Variants in TMEFF2 observed in about 807,000 individuals in gnomAD.
TMEFF2 encodes tomoregulin-2.
Under a neutral mutation model 53.8 loss-of-function variants are expected in TMEFF2, and 28 were observed. The ratio of observed to expected loss-of-function variants is 0.52; its 90% CI spans 0.39 to 0.71. The LOEUF (loss-of-function observed/expected upper bound fraction) is 0.71, where lower values mean the gene tolerates loss of function less well. Among genes scored for constraint, TMEFF2 ranks in the 30% least tolerant of loss-of-function variants. TMEFF2 has a pLI of 0.00. For synonymous variants in TMEFF2, 162 were observed against 166.3 expected (o/e 0.97, Z 0.20); for missense variants, 353 against 455.2 (o/e 0.78, Z 2.04).
chr2:191,991,374 A>G (rs913357790), intron 7 of TMEFF2, among the ~76,000 whole-genome samples: 3 of 152,110 alleles, frequency 2.0e-5, no homozygotes, highest in South Asian at 4.1e-4. Flanking sequence ...TATTTCCCAT[A>G]AAAATCAATT....
At chr2:192,192,047 A>G (rs1434943329) in intron 1 of TMEFF2, 58 bp from the exon 2 acceptor site, 9 of 1,233,958 alleles carry the variant, frequency 7.3e-6, no homozygotes, top group Middle Eastern at 1.9e-4. Flanking sequence ...TTTAACAAAA[A>G]AAAGCACTAC....
intron 4 of TMEFF2, among the ~76,000 whole-genome samples, chr2:192,171,149 T>A (rs1468434320): frequency 1.3e-5 from 2 of 152,112 alleles, no homozygotes; most frequent in Middle Eastern, 3.4e-3. Context: ...ATATCTTAAA[T>A]AAAACCCCAA....
At chr2:192,193,747 GAGAGAT>G (rs1217201131) in intron 1 of TMEFF2, among the ~76,000 whole-genome samples, 18 of 34,770 alleles carry the variant, frequency 5.2e-4, no homozygotes, top group Admixed American at 1.9e-3. Flanking sequence ...GAGAGAGAGA[GAGAGAT>G]AGATAGATAG....
intron 4 of TMEFF2, among the ~76,000 whole-genome samples, chr2:192,066,081 A>C (rs1424912631): frequency 6.6e-6 from 1 of 151,820 alleles, no homozygotes; most frequent in East Asian, 1.9e-4. Flanking sequence ...TATGACTTTA[A>C]AGAAAAATAA....
chr2:192,000,718 T>C (rs1686336389), intron 5 of TMEFF2, among the ~76,000 whole-genome samples: 1 of 152,224 alleles, frequency 6.6e-6, no homozygotes, highest in African/African-American at 2.4e-5. Flanking sequence ...ATTACCTAGA[T>C]TGCTGTTTAA....
chr2:192,135,609 C>G (rs1689982213), intron 4 of TMEFF2, among the ~76,000 whole-genome samples: 1 of 152,010 alleles, frequency 6.6e-6, no homozygotes, highest in Non-Finnish European at 1.5e-5. Flanking sequence ...ATACCACCCC[C>G]CAAAAATTTT....
At chr2:192,082,608 A>G (rs1688578875) in intron 4 of TMEFF2, among the ~76,000 whole-genome samples, 1 of 152,182 alleles carries the variant, frequency 6.6e-6, no homozygotes, top group African/African-American at 2.4e-5. Flanking sequence ...ACATCTTTCT[A>G]TATGTATGTT....
At chr2:192,040,259 C>T (rs1037232720) in intron 5 of TMEFF2, among the ~76,000 whole-genome samples, 6 of 152,122 alleles carry the variant, frequency 3.9e-5, no homozygotes, top group African/African-American at 1.4e-4. Context: ...AGCAGCTTCT[C>T]TTAGCCTTGG....
chr2:192,090,113 G>A (rs1295690672), intron 4 of TMEFF2, among the ~76,000 whole-genome samples: 2 of 152,036 alleles, frequency 1.3e-5, no homozygotes, highest in Admixed American at 6.6e-5. Context: ...ATATTATTTT[G>A]CATTCTTTCC....
chr2:192,072,852 A>AT (rs375852418), intron 4 of TMEFF2, among the ~76,000 whole-genome samples: 3 of 151,722 alleles, frequency 2.0e-5, no homozygotes, highest in Admixed American at 6.6e-5. Context: ...CATCATATTC[A>AT]TTTTTTTCAG....
At chr2:192,165,385 T>TA (rs1292390401) in intron 4 of TMEFF2, among the ~76,000 whole-genome samples, 1 of 152,164 alleles carries the variant, frequency 6.6e-6, no homozygotes, top group African/African-American at 2.4e-5. Context: ...CTTGAAGAGT[T>TA]ACAGCAAGTA....
intron 4 of TMEFF2, among the ~76,000 whole-genome samples, chr2:192,152,276 G>A (rs1414767831): frequency 1.3e-5 from 2 of 151,854 alleles, no homozygotes; most frequent in Non-Finnish European, 2.9e-5. Flanking sequence ...ATCCAGATAG[G>A]AAAATCAGTC....
chr2:192,149,740 ATGT>A (rs973482032), intron 4 of TMEFF2, among the ~76,000 whole-genome samples: 2 of 151,952 alleles, frequency 1.3e-5, no homozygotes, highest in Admixed American at 1.3e-4. Context: ...GTGATGAAAT[ATGT>A]TGGAGTCACA....
At chr2:192,042,879 A>G (rs540202560) in intron 5 of TMEFF2, among the ~76,000 whole-genome samples, 3 of 152,354 alleles carry the variant, frequency 2.0e-5, no homozygotes, top group African/African-American at 7.2e-5. Flanking sequence ...AAAAGGGTCC[A>G]GAAGATGTAC....
chr2:191,984,278 A>ACAGATTT (rs1261063415), intron 7 of TMEFF2, among the ~76,000 whole-genome samples: 6 of 152,162 alleles, frequency 3.9e-5, no homozygotes, highest in Non-Finnish European at 8.8e-5. Flanking sequence ...TCCAAAGTTA[A>ACAGATTT]TCTAAGTTTC....
At position 192,057,780 on chromosome 2, in the gene TMEFF2, A is replaced by T. The variant is rs1177515479; in HGVS notation, c.440-5T>A. The T allele has an allele frequency of 1.9e-6, 3 of 1,609,864 alleles. No homozygotes were observed. The highest frequency in any genetic ancestry group is 2.6e-6 in the Non-Finnish European group (3 of 1,176,288). ...TTTCTCCAGAGCCTTCATGGACTGT[A>T]GGACAGAAAAACAGTAAAAGGAATT... On this transcript the variant is annotated splice_polypyrimidine_tract_variant and splice_region_variant and intron_variant, in intron 4 of 9. Coordinates refer to ENST00000272771, the MANE Select transcript of TMEFF2 (RefSeq NM_016192.4).
intron 4 of TMEFF2, among the ~76,000 whole-genome samples, chr2:192,096,222 T>C (rs1230665361): frequency 2.0e-5 from 3 of 152,204 alleles, no homozygotes; most frequent in Non-Finnish European, 4.4e-5. Flanking sequence ...TCATTGGGCC[T>C]GTTTCATTTC....
chr2:192,116,760 C>T (rs1045632470), intron 4 of TMEFF2, among the ~76,000 whole-genome samples: 1 of 151,932 alleles, frequency 6.6e-6, no homozygotes, highest in Non-Finnish European at 1.5e-5. Flanking sequence ...TATTAGAAAT[C>T]TTTTTATATA....
intron 5 of TMEFF2, among the ~76,000 whole-genome samples, chr2:192,048,862 A>G (rs1182889732): frequency 6.6e-6 from 1 of 152,238 alleles, no homozygotes; most frequent in Admixed American, 6.5e-5. Flanking sequence ...TGTCTCTTCT[A>G]TGCAACCTTA....
Sources: allele counts gnomAD v4.1 joint callset (sites outside exome capture counted in the v4.1 genomes callset), GRCh38; gene constraint gnomAD v4.1.1; transcripts MANE v1.5; gene names NCBI Gene and HGNC (gene_info 2026-07-23, HGNC 2026-07-21).